The following ING1 variants were observed in gnomAD, a reference collection of about 807,000 sequenced individuals.
The protein encoded by ING1 is inhibitor of growth family member 1, also known as inhibitor of growth protein 1.
In ING1, 4 loss-of-function variants were observed where a neutral mutation model predicts 23.1. That is an observed-to-expected ratio of 0.17 (90% CI 0.09 to 0.40). The LOEUF (loss-of-function observed/expected upper bound fraction) is 0.40. Ranked by LOEUF, ING1 falls within the 10% of genes least tolerant of loss-of-function variation. The pLI is 1.00. For missense variants in ING1, 256 were observed against 393.8 expected (o/e 0.65, Z 2.96); for synonymous variants, 179 against 166.4 (o/e 1.08, Z -0.58).
At chr13:110,712,982 G>GTC, upstream of ING1, 1 of 1,555,292 alleles carries the variant, frequency 6.4e-7, no homozygotes, top group Non-Finnish European at 8.7e-7. Flanking sequence ...GAATGGGTAG[G>GTC]TCTCCCGCGC....
In ING1 at chr13:110,714,041, C is replaced by T. The variant is rs186957470; in HGVS notation, c.-109C>T. On this transcript the variant is annotated 5_prime_UTR_variant, in exon 1 of 2. Coordinates refer to ENST00000333219, the MANE Select transcript of ING1 (RefSeq NM_198219.3). The stretch of plus-strand genomic sequence containing the variant: ...GCCGAAGCAGGAGCCGGCGGGGGGG[C>T]GCCGGGAGAGCGAGGGCTTTGCATT... 2.4e-6 allele frequency: 3 copies of T among 1,229,808 alleles called. No homozygotes were observed. Among genetic ancestry groups the T allele is most frequent in the Non-Finnish European group, 3.1e-6 (3 of 981,558 alleles). 76.2% of individuals were successfully genotyped at this position (1,229,808 alleles called of 1,614,324 possible).
chr13:110,720,252 A>C lies in ING1; in HGVS notation c.*320A>C. On this transcript the variant is annotated 3_prime_UTR_variant, in exon 2 of 2. Coordinates refer to ENST00000333219, the MANE Select transcript of ING1 (RefSeq NM_198219.3). Reference sequence around the variant, plus strand: ...AACACATTAAATGTGGAAGGAAAATATTTCATTTAGCTTTTTTATTTTAAT... The same window carrying C: ...AACACATTAAATGTGGAAGGAAAATCTTTCATTTAGCTTTTTTATTTTAAT... 5.0e-6 allele frequency: 1 copy of C among 200,044 alleles called. No homozygotes were observed. The highest frequency in any genetic ancestry group is 1.1e-5 in the Non-Finnish European group (1 of 90,188). 12.4% of individuals were successfully genotyped at this position (200,044 alleles called of 1,614,324 possible).
At chr13:110,717,409 G>C (rs2139972445) in intron 1 of ING1, among the ~76,000 whole-genome samples, 1 of 152,264 alleles carries the variant, frequency 6.6e-6, no homozygotes, top group Non-Finnish European at 1.5e-5. Context: ...GCGTTGGCCT[G>C]AGTTCTTATG....
rs1168964820 is a variant in ING1, at chr13:110,720,976, G to A, written c.*1044G>A. ...AATCTGTATTCAGACCCTGGGTCAG[G>A]AAATTACTGCCCACTTGTCAAGTTC... On this transcript the variant is annotated 3_prime_UTR_variant, in exon 2 of 2. Transcript: ENST00000333219. The A allele has an allele frequency of 1.2e-5, 2 of 167,124 alleles. No homozygotes were observed. Among genetic ancestry groups the A allele is most frequent in the African/African-American group, 2.4e-5 (1 of 41,464 alleles). 10.4% of individuals were successfully genotyped at this position (167,124 alleles called of 1,614,324 possible).
chr13:110,716,145 C>T, intron 1 of ING1: 4 of 877,858 alleles, frequency 4.6e-6, no homozygotes, highest in Non-Finnish European at 6.3e-6. Context: ...GCTGAGACCA[C>T]TTTGATCGTT....
chr13:110,712,912 G>A (rs185251069), upstream of ING1: 26 of 1,545,674 alleles, frequency 1.7e-5, no homozygotes, highest in Middle Eastern at 1.7e-4. Flanking sequence ...AGGGAGGGCG[G>A]TGACGGATGG....
chr13:110,718,560 A>G (rs1326782653), intron 1 of ING1, among the ~76,000 whole-genome samples: 4 of 152,250 alleles, frequency 2.6e-5, no homozygotes, highest in Non-Finnish European at 5.9e-5. Context: ...TAAGTCACAA[A>G]GTATCCTGGA....
intron 1 of ING1, chr13:110,715,520 C>T: frequency 1.2e-6 from 2 of 1,614,148 alleles, no homozygotes; most frequent in Non-Finnish European, 8.5e-7. Context: ...GGGCCTAGCG[C>T]AATAACTGGT....
intron 1 of ING1, among the ~76,000 whole-genome samples, chr13:110,717,271 A>C (rs979285951): frequency 6.6e-6 from 1 of 152,170 alleles, no homozygotes; most frequent in Non-Finnish European, 1.5e-5. Flanking sequence ...TTTTATAATT[A>C]ATTACTATAT....
chr13:110,715,401 T>G, intron 1 of ING1: 1 of 1,528,834 alleles, frequency 6.5e-7, no homozygotes, highest in Non-Finnish European at 8.8e-7. Context: ...TTCATTAGCA[T>G]ATTATGGAAC....
upstream of ING1, chr13:110,712,642 G>T (rs757525528): frequency 3.3e-5 from 19 of 575,276 alleles, no homozygotes; most frequent in South Asian, 3.0e-4. Context: ...GGGGCGACGC[G>T]GGGGAGGGCG....
rs2064163522 is a variant in ING1, at chr13:110,720,505, T to G, written c.*573T>G. ...TCCCCAAATGGCCATTTTAAAATGC[T>G]TGGGTACACTTCTCTTAAGTGGTCT... On this transcript the variant is annotated 3_prime_UTR_variant, in exon 2 of 2. Coordinates refer to ENST00000333219, the MANE Select transcript of ING1 (RefSeq NM_198219.3). 6.0e-6 allele frequency: 1 copy of G among 167,140 alleles called. No individual in the cohort carries two copies. Among genetic ancestry groups the G allele is most frequent in the Admixed American group, 6.5e-5 (1 of 15,286 alleles). 10.4% of individuals were successfully genotyped at this position (167,140 alleles called of 1,614,324 possible).
In ING1 at chr13:110,720,302, A is replaced by G. The variant is rs2064161636; in HGVS notation, c.*370A>G. ...TACAAGTAATATTATTACTTTATGA[A>G]CAATTTTTTTTAATTGGCCATGTCG... is the stretch of plus-strand genomic sequence containing the variant. On this transcript the variant is annotated 3_prime_UTR_variant, in exon 2 of 2. Transcript: ENST00000333219. The G allele has an allele frequency of 1.2e-5, 2 of 172,446 alleles. No individual in the cohort carries two copies. The highest frequency in any genetic ancestry group is 2.8e-5 in the Non-Finnish European group (2 of 71,978). 10.7% of individuals were successfully genotyped at this position (172,446 alleles called of 1,614,324 possible). A position where few individuals can be genotyped will look rare whatever the true frequency, so the allele number is the denominator to read the frequency against.
chr13:110,715,659 G>T (rs748721285), intron 1 of ING1: 1 of 1,611,348 alleles, frequency 6.2e-7, no homozygotes, highest in South Asian at 1.1e-5. Flanking sequence ...CTCGCTGCTG[G>T]GGCGGGCCGT....
chr13:110,720,126 G>A lies in ING1; in HGVS notation c.*194G>A. The A allele has an allele frequency of 2.2e-6, 1 of 458,336 alleles. No homozygotes were observed. The highest frequency in any genetic ancestry group is 2.0e-5 in the African/African-American group (1 of 49,094). The allele number at this position is 458,336 out of a possible 1,614,324, so 28.4% of individuals were successfully genotyped here. A position where few individuals can be genotyped will look rare whatever the true frequency, so the allele number is the denominator to read the frequency against. On this transcript the variant is annotated 3_prime_UTR_variant, in exon 2 of 2. Coordinates refer to ENST00000333219, the MANE Select transcript of ING1 (RefSeq NM_198219.3). The stretch of plus-strand genomic sequence containing the variant: ...ATTGGTACACGTGTAACAAGAAAGT[G>A]GTCTGTGGATCAGCATTTTAGAAAC...
Position 110,722,161 on chromosome 13 carries a change from A to T in ING1, c.*2229A>T, listed in dbSNP as rs79544638. 3.5e-4 allele frequency: 54 copies of T among 152,354 alleles called. No individual in the cohort carries two copies. Among genetic ancestry groups the T allele is most frequent in the Middle Eastern group, 3.4e-3 (1 of 294 alleles). 9.4% of individuals were successfully genotyped at this position (152,354 alleles called of 1,614,324 possible). A position where few individuals can be genotyped will look rare whatever the true frequency, so the allele number is the denominator to read the frequency against. ...AGAGAAATGCAAATTGTAGTTGGTC[A>T]TATACTAAAATTTGAACTTTTTACA... On this transcript the variant is annotated 3_prime_UTR_variant, in exon 2 of 2. Transcript: ENST00000333219.
rs1360172175 is a variant in ING1 at position 110,719,295 on chromosome 13, G to A, written c.203G>A (p.Arg68Gln). Reference sequence around the variant, plus strand: ...CGCGAGACAGACGGGGCGCAGAAGCGGCGGATGCTGCACTGTGTGCAGCGC... The same window carrying A: ...CGCGAGACAGACGGGGCGCAGAAGCAGCGGATGCTGCACTGTGTGCAGCGC... Reference protein sequence around the residue: ...FSRETDGAQKRRMLHCVQRAL... With the variant: ...FSRETDGAQKQRMLHCVQRAL... Residue 68 changes from arginine (R) to glutamine (Q), a missense_variant, in exon 2 of 2, where the codon CGG becomes CAG. Coordinates refer to ENST00000333219, the MANE Select transcript of ING1 (RefSeq NM_198219.3). This position sits in a 1 kb window ranked among gnomAD's most constrained non-coding sequence, Gnocchi z 8.9. 4 of 1,610,712 alleles carry A rather than the reference G, an allele frequency of 2.5e-6. No homozygotes were observed. Among genetic ancestry groups the A allele is most frequent in the Non-Finnish European group, 3.4e-6 (4 of 1,179,932 alleles).
upstream of ING1, chr13:110,713,419 C>G (rs937135315): frequency 9.9e-7 from 1 of 1,007,400 alleles, no homozygotes; most frequent in African/African-American, 1.7e-5. Context: ...CAGGCTCTGC[C>G]TCCAAGTGCC....
At position 110,722,406 on chromosome 13, in the gene ING1, A is replaced by G. The variant is rs2064177763; in HGVS notation, c.*2474A>G. On this transcript the variant is annotated 3_prime_UTR_variant, in exon 2 of 2. Coordinates refer to ENST00000333219, the MANE Select transcript of ING1 (RefSeq NM_198219.3). Reference sequence around the variant, plus strand: ...TTTCATGCTAATTTTTCACTTCTATATTAATTGGAGGTAATAATGCAAATT... The same window carrying G: ...TTTCATGCTAATTTTTCACTTCTATGTTAATTGGAGGTAATAATGCAAATT... 2 of 152,258 alleles carry G rather than the reference A, an allele frequency of 1.3e-5. No individual in the cohort carries two copies. Among genetic ancestry groups the G allele is most frequent in the Non-Finnish European group, 1.5e-5 (1 of 68,040 alleles). 9.4% of individuals were successfully genotyped at this position (152,258 alleles called of 1,614,324 possible).
Sources: allele counts gnomAD v4.1 joint callset (sites outside exome capture counted in the v4.1 genomes callset), GRCh38; gene constraint gnomAD v4.1.1; non-coding constraint Gnocchi (gnomAD v3.1); transcripts MANE v1.5; gene names NCBI Gene and HGNC (gene_info 2026-07-23, HGNC 2026-07-21).